Variants in POSTN observed in about 807,000 individuals in gnomAD.
POSTN encodes the protein periostin, also known as osteoblast specific factor 2 (fasciclin I-like).
Under a neutral mutation model 104.5 loss-of-function variants are expected in POSTN, and 71 were observed. The ratio of observed to expected loss-of-function variants is 0.68; its 90% CI spans 0.56 to 0.83. The LOEUF (loss-of-function observed/expected upper bound fraction) is 0.83. Ranked by LOEUF, POSTN falls within the 40% of genes least tolerant of loss-of-function variation. The pLI is 0.00. For missense variants in POSTN, 949 were observed against 1,006.8 expected (o/e 0.94, Z 0.78); for synonymous variants, 355 against 340.7 (o/e 1.04, Z -0.46).
At position 37,586,769 on chromosome 13, in the gene POSTN, C is replaced by G. The variant is rs1398018462; in HGVS notation, c.753+13G>C. 1.9e-6 allele frequency: 3 copies of G among 1,607,194 alleles called. No individual in the cohort carries two copies. The highest frequency in any genetic ancestry group is 2.6e-6 in the Non-Finnish European group (3 of 1,175,748). Reference sequence around the variant, plus strand: ...GATTTCAATGACTCAAGACAATCTGCTCTTGGACTTACTCTAAAAGATGAA... The same window carrying G: ...GATTTCAATGACTCAAGACAATCTGGTCTTGGACTTACTCTAAAAGATGAA... On this transcript the variant is annotated intron_variant, in intron 6 of 22. Coordinates refer to ENST00000379747, the MANE Select transcript of POSTN (RefSeq NM_006475.3).
chr13:37,568,140 T>A (rs1164361020), intron 21 of POSTN, among the ~76,000 whole-genome samples: 1 of 152,134 alleles, frequency 6.6e-6, no homozygotes, highest in East Asian at 1.9e-4. Flanking sequence ...CCTACAGGAA[T>A]CTTTGGTTCC....
At position 37,586,279 on chromosome 13, in the gene POSTN, G is replaced by T; in HGVS notation, c.755C>A (p.Ala252Glu). 3.1e-6 allele frequency: 5 copies of T among 1,606,950 alleles called. No individual in the cohort carries two copies. The highest frequency in any genetic ancestry group is 4.2e-6 in the Non-Finnish European group (5 of 1,177,168). The change falls in exon 7 of 23, where the codon GCA becomes GAA. Residue 252 changes from alanine (A) to glutamate (E), a missense_variant and splice_region_variant. By Grantham distance (107) the Ala-to-Glu change is moderately radical (BLOSUM62 -1). Transcript: ENST00000379747. ...EAEDDLSSFRAAAITSDILEA... is the reference protein window; with the variant it reads ...EAEDDLSSFREAAITSDILEA... ...CAATATGTCCGATGTGATGGCAGCT[G>T]CCTGAAACACAAATGTGCTTTTCAG...
At position 37,580,768 on chromosome 13, in the gene POSTN, T is replaced by C. The variant is rs9315504; in HGVS notation, c.1393-71A>G. ...AATTTCCCGTATAGATGTAACTACA[T>C]AATTAAGTTTCCGGATCGGCCCTTC... On this transcript the variant is annotated intron_variant, in intron 10 of 22. Coordinates refer to ENST00000379747, the MANE Select transcript of POSTN (RefSeq NM_006475.3). 329 of 1,587,706 alleles carry C rather than the reference T, an allele frequency of 2.1e-4. 4 individuals carry two copies. The East Asian group carries it at 7.3e-3, about 35-fold the overall frequency.
At chr13:37,569,259 T>C in intron 21 of POSTN, 41 bp downstream of exon 21, 1 of 1,457,632 alleles carries the variant, frequency 6.9e-7, no homozygotes. Context: ...ACTCAGTCAC[T>C]AGAACCTGTT....
chr13:37,597,302 G>A lies in POSTN; in HGVS notation c.120-20C>T. ...TTTGGGCTGGAGGATAGAGGGAAAGGAAAAAAGTTAATGTCCTAATAATGA... is the reference window on the plus strand; with the variant it reads ...TTTGGGCTGGAGGATAGAGGGAAAGAAAAAAAGTTAATGTCCTAATAATGA... On this transcript the variant is annotated intron_variant, in intron 1 of 22. Coordinates refer to ENST00000379747, the MANE Select transcript of POSTN (RefSeq NM_006475.3). 6.6e-7 allele frequency: 1 copy of A among 1,512,608 alleles called. No homozygotes were observed. Among genetic ancestry groups the A allele is most frequent in the Admixed American group, 2.1e-5 (1 of 46,842 alleles). The allele number at this position is 1,512,608 out of a possible 1,614,324, so 93.7% of individuals were successfully genotyped here.
chr13:37,584,934 G>T lies in POSTN; in HGVS notation c.896-6C>A, dbSNP rs557833418. The T allele has an allele frequency of 6.2e-7, 1 of 1,613,084 alleles. No individual in the cohort carries two copies. The highest frequency in any genetic ancestry group is 8.5e-7 in the Non-Finnish European group (1 of 1,179,734). Reference sequence around the variant, plus strand: ...GATGTGGTACTTCATAAGAGCTGGAGAACACAATAAAAACAGGTAGCTTTC... The same window carrying T: ...GATGTGGTACTTCATAAGAGCTGGATAACACAATAAAAACAGGTAGCTTTC... On this transcript the variant is annotated splice_polypyrimidine_tract_variant and splice_region_variant and intron_variant, in intron 7 of 22. Coordinates refer to ENST00000379747, the MANE Select transcript of POSTN (RefSeq NM_006475.3).
Position 37,584,756 on chromosome 13 carries a change from A to G in POSTN, c.1068T>C (p.Gly356=). 1 of 1,613,902 alleles carries G rather than the reference A, an allele frequency of 6.2e-7. No homozygotes were observed. Among genetic ancestry groups the G allele is most frequent in the Non-Finnish European group, 8.5e-7 (1 of 1,179,884 alleles). ...GGACCTGATCAATCAAATGGATCAC[A>G]CCATTATTTGTCACAATATCCTTTT... ...VNKKDIVTNN[G]VIHLIDQVLI... The change falls in exon 8 of 23, where the codon GGT becomes GGC. Residue 356 remains glycine, a synonymous_variant. Transcript: ENST00000379747.
intron 9 of POSTN, 133 bp from the exon 10 acceptor site, chr13:37,582,647 C>T: frequency 1.3e-6 from 1 of 756,412 alleles, no homozygotes; most frequent in Non-Finnish European, 2.0e-6. Flanking sequence ...TCATATAATA[C>T]ATGAATCAAC....
Position 37,564,842 on chromosome 13 carries a change from A to G in POSTN, c.2432-282T>C, listed in dbSNP as rs144767490. 704 of 269,958 alleles carry G rather than the reference A, an allele frequency of 2.6e-3. 10 individuals are homozygous for G. The highest frequency in any genetic ancestry group is 0.014 in the African/African-American group (642 of 45,064). 16.7% of individuals were successfully genotyped at this position (269,958 alleles called of 1,614,324 possible). On this transcript the variant is annotated intron_variant, in intron 21 of 22. Transcript: ENST00000379747. ...ACCCCACCTAATGTGCCATTTTTGC[A>G]GAGTAAATGACTTACATGATTTTTT...
chr13:37,592,278 CA>C (rs1248139149), intron 2 of POSTN, 114 bp from the exon 3 acceptor site: 18 of 688,496 alleles, frequency 2.6e-5, no homozygotes, highest in Non-Finnish European at 1.8e-5. Flanking sequence ...TTCTAAAAAT[CA>C]GGTTTTTTTT....
intron 2 of POSTN, among the ~76,000 whole-genome samples, chr13:37,595,933 C>G (rs537871095): frequency 6.6e-6 from 1 of 151,624 alleles, no homozygotes; most frequent in South Asian, 2.1e-4. Flanking sequence ...GCCTCAGCCT[C>G]CCAAATAGGT....
At chr13:37,565,645 T>TC (rs967306314) in intron 21 of POSTN, 5 of 151,890 alleles carry the variant, frequency 3.3e-5, no homozygotes, top group African/African-American at 1.2e-4. Flanking sequence ...CACATTTCTT[T>TC]CCCCCCAGAA....
chr13:37,589,305 G>T (rs147862892), intron 4 of POSTN, among the ~76,000 whole-genome samples: 126 of 152,198 alleles, frequency 8.3e-4, no homozygotes, highest in Middle Eastern at 3.4e-3. Context: ...AGAGTCAAGT[G>T]CTGGAAGAAA....
At chr13:37,569,059 A>C in intron 21 of POSTN, 1 of 296,804 alleles carries the variant, frequency 3.4e-6, no homozygotes, top group Non-Finnish European at 6.1e-6. Context: ...AAAGCAAAAA[A>C]AATATTCATT....
At chr13:37,596,024 A>G (rs1593373729) in intron 2 of POSTN, among the ~76,000 whole-genome samples, 1 of 151,248 alleles carries the variant, frequency 6.6e-6, no homozygotes, top group Non-Finnish European at 1.5e-5. Context: ...CTGGTCTCGA[A>G]CTCCTGGCCA....
chr13:37,586,954 T>C (rs1412943693), intron 5 of POSTN, 26 bp from the exon 6 acceptor site: 1 of 1,609,676 alleles, frequency 6.2e-7, no homozygotes, highest in Non-Finnish European at 8.5e-7. Flanking sequence ...AAAATCAAAG[T>C]GCTGAAACCA....
In POSTN at chr13:37,579,346, A is replaced by C; in HGVS notation, c.1674T>G (p.Ala558=). 1.3e-6 allele frequency: 2 copies of C among 1,584,742 alleles called. No homozygotes were observed. The highest frequency in any genetic ancestry group is 2.2e-5 in the East Asian group (1 of 44,604). Residue 558 remains alanine, a synonymous_variant, in exon 13 of 23, where the codon GCT becomes GCG. Coordinates refer to ENST00000379747, the MANE Select transcript of POSTN (RefSeq NM_006475.3). ...EKEILIRDKN[A]LQNIILYHLT... ...GGTGATAAAGAATGATGTTTTGAAG[A>C]GCATTTTTGTCCCCTAGGGGAAAAT...
chr13:37,573,828 A>G (rs994134554), intron 17 of POSTN, among the ~76,000 whole-genome samples: 4 of 151,598 alleles, frequency 2.6e-5, no homozygotes, highest in African/African-American at 9.7e-5. Context: ...AAATGAAAGT[A>G]ACATCAAAGA....
intron 21 of POSTN, among the ~76,000 whole-genome samples, chr13:37,567,425 G>A (rs1217130760): frequency 6.6e-6 from 1 of 151,480 alleles, no homozygotes; most frequent in East Asian, 1.9e-4. Flanking sequence ...TTTTATCAAT[G>A]CCTTTTAGGA....
Sources: allele counts gnomAD v4.1 joint callset (sites outside exome capture counted in the v4.1 genomes callset), GRCh38; gene constraint gnomAD v4.1.1; transcripts MANE v1.5; gene names NCBI Gene and HGNC (gene_info 2026-07-23, HGNC 2026-07-21).